The following DLGAP1 variants were observed in gnomAD, a reference collection of about 807,000 sequenced individuals.
The protein encoded by DLGAP1 is DLG associated protein 1, also known as disks large-associated protein 1.
In DLGAP1, 11 loss-of-function variants were observed where a neutral mutation model predicts 90.8. The ratio of observed to expected loss-of-function variants is 0.12; its 90% CI spans 0.08 to 0.20. DLGAP1 has a LOEUF of 0.20. Ranked by LOEUF, DLGAP1 falls within the 10% of genes least tolerant of loss-of-function variation. DLGAP1 has a pLI of 1.00. For synonymous variants in DLGAP1, 558 were observed against 540.7 expected, an observed-to-expected ratio of 1.03 and a Z score of -0.44; for missense variants, 1,050 against 1,333.8, an observed-to-expected ratio of 0.79 and a Z score of 3.31.
At chr18:3,831,121 C>T (rs1047271149) in intron 4 of DLGAP1, among the ~76,000 whole-genome samples, 1 of 152,150 alleles carries the variant, frequency 6.6e-6, no homozygotes, top group Non-Finnish European at 1.5e-5. Context: ...GACCAGTATC[C>T]AGAAGAGAGG....
rs2071080563 is a variant in DLGAP1 at position 3,879,193 on chromosome 18, G to A, written c.876C>T (p.Tyr292=). ...TLTVSRAREV[Y]QKASVNMDQA... is the part of the protein sequence containing the mutation. The stretch of plus-strand genomic sequence containing the variant: ...GGTCCATGTTCACCGAGGCCTTCTG[G>A]TAAACCTCCCGGGCCCGGCTCACGG... The change falls in exon 4 of 13, where the codon TAC becomes TAT. Residue 292 remains tyrosine (Y), a synonymous_variant. Coordinates refer to ENST00000315677, the MANE Select transcript of DLGAP1 (RefSeq NM_004746.4). This position sits in a 1 kb window ranked among gnomAD's most constrained non-coding sequence, Gnocchi z 6.6. The A allele has an allele frequency of 1.3e-6, 2 of 1,537,598 alleles. No individual in the cohort carries two copies. The highest frequency in any genetic ancestry group is 1.4e-5 in the African/African-American group (1 of 72,386).
chr18:4,307,872 C>A (rs1045890968), intron 1 of DLGAP1, among the ~76,000 whole-genome samples: 22 of 152,198 alleles, frequency 1.4e-4, no homozygotes, highest in Admixed American at 9.8e-4. Context: ...TGCGCCACCA[C>A]GCCTGGCCAA....
intron 1 of DLGAP1, among the ~76,000 whole-genome samples, chr18:4,363,121 C>G (rs908089691): frequency 6.6e-6 from 1 of 152,062 alleles, no homozygotes; most frequent in African/African-American, 2.4e-5. Flanking sequence ...AATGAAATGG[C>G]CATAGTGGCC....
In DLGAP1 at chr18:3,728,300, T is replaced by TTATATATATA. The variant is rs200480157; in HGVS notation, c.1591+825_1591+834dup. The stretch of plus-strand genomic sequence containing the variant: ...GGATTTTCTTTTTGGAACGCAAATG[T>TTATATATATA]TATATATATATATATATATATATAT... On this transcript the variant is annotated intron_variant, in intron 7 of 12. Coordinates refer to ENST00000315677, the MANE Select transcript of DLGAP1 (RefSeq NM_004746.4). Among the ~76,000 whole-genome samples the TTATATATATA allele has an allele frequency of 4.0e-3, 491 of 123,596 alleles. 4 individuals carry two copies. Among genetic ancestry groups the TTATATATATA allele is most frequent in the African/African-American group, 0.014 (402 of 28,580 alleles). The allele number at this position is 123,596 out of a possible 152,430, so 81.1% of individuals were successfully genotyped here.
chr18:4,043,179 T>C (rs1168809515), intron 2 of DLGAP1, among the ~76,000 whole-genome samples: 2 of 152,244 alleles, frequency 1.3e-5, no homozygotes, highest in African/African-American at 4.8e-5. Flanking sequence ...TTGGAAATAT[T>C]TGTTGTAAAT....
chr18:4,227,510 C>G (rs147365542), intron 1 of DLGAP1, among the ~76,000 whole-genome samples: 242 of 151,822 alleles, frequency 1.6e-3, no homozygotes, highest in African/African-American at 5.6e-3. Flanking sequence ...CTTCTCAGAC[C>G]ACAATGTAAT....
chr18:3,991,854 A>AT (rs1310988821), intron 3 of DLGAP1, among the ~76,000 whole-genome samples: 3 of 152,072 alleles, frequency 2.0e-5, no homozygotes, highest in Non-Finnish European at 2.9e-5. Context: ...ACTTTGATTT[A>AT]TTTTTTTGTG....
At chr18:4,415,552 CA>C (rs1457965710) in intron 1 of DLGAP1, among the ~76,000 whole-genome samples, 1 of 152,132 alleles carries the variant, frequency 6.6e-6, no homozygotes, top group Non-Finnish European at 1.5e-5. Context: ...AGATTCAGCT[CA>C]AGTTTCTAAA....
chr18:3,805,599 G>A (rs1252467168), intron 5 of DLGAP1, among the ~76,000 whole-genome samples: 2 of 152,220 alleles, frequency 1.3e-5, no homozygotes, highest in Non-Finnish European at 2.9e-5. Context: ...GATATATTTA[G>A]GGAGTACTGT....
intron 7 of DLGAP1, among the ~76,000 whole-genome samples, chr18:3,616,027 T>C (rs2057848346): frequency 6.6e-6 from 1 of 152,182 alleles, no homozygotes; most frequent in Non-Finnish European, 1.5e-5. Context: ...TCTCAAATCA[T>C]AATGAAGCCC....
At chr18:4,130,814 T>A (rs2144204571) in intron 2 of DLGAP1, among the ~76,000 whole-genome samples, 1 of 152,162 alleles carries the variant, frequency 6.6e-6, no homozygotes, top group Non-Finnish European at 1.5e-5. Context: ...AAAGATCTTT[T>A]AATGGAGGAC....
At chr18:4,157,831 C>A (rs891628264) in intron 1 of DLGAP1, among the ~76,000 whole-genome samples, 1 of 152,160 alleles carries the variant, frequency 6.6e-6, no homozygotes, top group African/African-American at 2.4e-5. Flanking sequence ...AGTGGGGAAG[C>A]TGGCAGCCCC....
intron 7 of DLGAP1, among the ~76,000 whole-genome samples, chr18:3,615,780 G>A (rs931860469): frequency 6.6e-6 from 1 of 152,144 alleles, no homozygotes; most frequent in African/African-American, 2.4e-5. Context: ...CTCATTCCCT[G>A]AGACACTTGC....
chr18:3,927,965 GT>G (rs1421937611), intron 3 of DLGAP1, among the ~76,000 whole-genome samples: 1 of 152,134 alleles, frequency 6.6e-6, no homozygotes, highest in Non-Finnish European at 1.5e-5. Flanking sequence ...ATGCATACCA[GT>G]CATGTTAACC....
chr18:4,196,491 T>C (rs1244352425), intron 1 of DLGAP1, among the ~76,000 whole-genome samples: 1 of 152,230 alleles, frequency 6.6e-6, no homozygotes, highest in East Asian at 1.9e-4. Context: ...CAGTGCCTAC[T>C]CAACACTTTT....
chr18:3,598,116 T>A (rs2056687986), intron 7 of DLGAP1: 2 of 152,186 alleles, frequency 1.3e-5, no homozygotes, highest in Non-Finnish European at 1.5e-5. Context: ...TTTGGGAGGC[T>A]GAGGTGGGTG....
chr18:3,716,503 T>A (rs1306060064), intron 7 of DLGAP1, among the ~76,000 whole-genome samples: 1 of 152,026 alleles, frequency 6.6e-6, no homozygotes, highest in Non-Finnish European at 1.5e-5. Flanking sequence ...ATCACTGCAC[T>A]CCAGCCTGGG....
chr18:3,765,336 T>C, intron 5 of DLGAP1, among the ~76,000 whole-genome samples: 1 of 150,520 alleles, frequency 6.6e-6, no homozygotes, highest in Non-Finnish European at 1.5e-5. Context: ...TTCACCATGT[T>C]AGCCAGGATG....
intron 1 of DLGAP1, among the ~76,000 whole-genome samples, chr18:4,352,716 G>A (rs1483113498): frequency 6.6e-6 from 1 of 152,044 alleles, no homozygotes; most frequent in African/African-American, 2.4e-5. Flanking sequence ...CCACAATGCA[G>A]AATTCTGTAC....
Sources: allele counts gnomAD v4.1 joint callset (sites outside exome capture counted in the v4.1 genomes callset), GRCh38; gene constraint gnomAD v4.1.1; non-coding constraint Gnocchi (gnomAD v3.1); transcripts MANE v1.5; gene names NCBI Gene and HGNC (gene_info 2026-07-23, HGNC 2026-07-21).